The following PHKB variants were observed in gnomAD, a reference collection of about 807,000 sequenced individuals.
The protein encoded by PHKB is phosphorylase kinase regulatory subunit beta, also known as phosphorylase b kinase regulatory subunit beta.
Under a neutral mutation model 152.1 loss-of-function variants are expected in PHKB, and 122 were observed. The ratio of observed to expected loss-of-function variants is 0.80; its 90% confidence interval spans 0.69 to 0.93. The LOEUF is 0.93. PHKB is among the 40% of genes least tolerant of loss of function. The probability of loss-of-function intolerance (pLI) is 0.00; values close to 1 mark genes in which losing one functional copy is unlikely to be tolerated. For missense variants in PHKB, 1,304 were observed against 1,328.4 expected (o/e 0.98, Z 0.29); for synonymous variants, 436 against 464.9 (o/e 0.94, Z 0.80).
chr16:47,682,495 C>T lies in PHKB; in HGVS notation c.2631-6546C>T, dbSNP rs1387217608. 3.3e-5 allele frequency among the ~76,000 whole-genome samples: 5 copies of T among 152,142 alleles called. No homozygotes were observed. The South Asian group carries it at 1.0e-3, about 32-fold the overall frequency. ...TCTCTTTTCTCTAAACTTCTCTTCT[C>T]GCTTCATTTCATTCATTTCGTCTTC... On this transcript the variant is annotated intron_variant, in intron 26 of 30. Transcript: ENST00000323584.
intron 13 of PHKB, 71 bp downstream of exon 13, chr16:47,596,602 C>T (rs530338800): frequency 1.5e-4 from 212 of 1,443,370 alleles, no homozygotes; most frequent in Non-Finnish European, 2.0e-4. Flanking sequence ...TATGCCTTTG[C>T]TGGTGTTTAT....
intron 16 of PHKB, among the ~76,000 whole-genome samples, chr16:47,643,111 A>C (rs1973054747): frequency 6.6e-6 from 1 of 152,216 alleles, no homozygotes; most frequent in Non-Finnish European, 1.5e-5. Flanking sequence ...TAATATTAGC[A>C]ACTTATTTTA....
intron 14 of PHKB, among the ~76,000 whole-genome samples, chr16:47,637,076 T>A (rs1474353611): frequency 6.6e-6 from 1 of 152,128 alleles, no homozygotes; most frequent in African/African-American, 2.4e-5. Context: ...TCTTCAGGTC[T>A]CCTTGACTCA....
intron 1 of PHKB, among the ~76,000 whole-genome samples, chr16:47,472,085 A>G (rs1312153893): frequency 6.6e-6 from 1 of 152,154 alleles, no homozygotes; most frequent in African/African-American, 2.4e-5. Flanking sequence ...TGCGAAATAC[A>G]TGTGTGTGTA....
chr16:47,660,554 AG>A lies in PHKB; in HGVS notation c.2021del (p.Ser674MetfsTer15). Reference protein sequence around the residue: ...VVEQLDFLRISDTEELPEFKS... With the variant: ...VVEQLDFLRIXDTEELPEFKS... Reference sequence around the variant, plus strand: ...AGAACAACTTGATTTCCTACGAATCAGTGACACAGAAGAGTAAGTCCCTTTG... The same window carrying A: ...AGAACAACTTGATTTCCTACGAATCATGACACAGAAGAGTAAGTCCCTTTG... On this transcript the variant is annotated frameshift_variant, in exon 21 of 31. Coordinates refer to ENST00000323584, the MANE Select transcript of PHKB (RefSeq NM_000293.3). LOFTEE classifies it high-confidence loss of function. 6.2e-7 allele frequency: 1 copy of A among 1,613,562 alleles called. No homozygotes were observed. Among genetic ancestry groups the A allele is most frequent in the Middle Eastern group, 1.7e-4 (1 of 6,048 alleles).
chr16:47,526,644 A>T (rs1021878436), intron 6 of PHKB, among the ~76,000 whole-genome samples: 2 of 152,182 alleles, frequency 1.3e-5, no homozygotes, highest in Non-Finnish European at 2.9e-5. Context: ...AAAAAAAAAT[A>T]GCTTTTATTT....
At chr16:47,534,851 T>C (rs1970924456) in intron 6 of PHKB, among the ~76,000 whole-genome samples, 1 of 152,190 alleles carries the variant, frequency 6.6e-6, no homozygotes, top group Non-Finnish European at 1.5e-5. Flanking sequence ...TGTCCATTCA[T>C]GGGAAAGTAT....
intron 13 of PHKB, among the ~76,000 whole-genome samples, chr16:47,596,756 G>A (rs1038293357): frequency 6.6e-6 from 1 of 152,086 alleles, no homozygotes; most frequent in African/African-American, 2.4e-5. Context: ...TACCATTTGT[G>A]ATCATTTAGG....
At chr16:47,679,002 T>C (rs1024546371) in intron 26 of PHKB, among the ~76,000 whole-genome samples, 1 of 152,248 alleles carries the variant, frequency 6.6e-6, no homozygotes, top group African/African-American at 2.4e-5. Context: ...TAGCCAGTTT[T>C]CCCAGCACCA....
At position 47,515,522 on chromosome 16, in the gene PHKB, T is replaced by TA; in HGVS notation, c.518dup (p.Asn173LysfsTer25). The TA allele has an allele frequency of 1.5e-6, 2 of 1,370,912 alleles. No homozygotes were observed. Among genetic ancestry groups the TA allele is most frequent in the Non-Finnish European group, 2.1e-6 (2 of 958,588 alleles). The allele number at this position is 1,370,912 out of a possible 1,614,324, so 84.9% of individuals were successfully genotyped here. On this transcript the variant is annotated frameshift_variant and splice_region_variant, in exon 6 of 31. Transcript: ENST00000323584. LOFTEE classifies it high-confidence loss of function. ...TTTTAATGTTTCTGTTTGTTGCAGA[T>TA]AAATGCAGTGTCACTTTATCTCCTT...
chr16:47,480,282 G>A (rs1169452596), intron 1 of PHKB, among the ~76,000 whole-genome samples: 2 of 152,170 alleles, frequency 1.3e-5, no homozygotes, highest in Non-Finnish European at 2.9e-5. Context: ...TTTTCCACAT[G>A]TGTATCTTTG....
chr16:47,573,870 C>G (rs1171750205), intron 7 of PHKB, among the ~76,000 whole-genome samples: 2 of 152,324 alleles, frequency 1.3e-5, no homozygotes, highest in Middle Eastern at 3.4e-3. Context: ...GAAGTAGGAT[C>G]AGCAATGGCT....
Position 47,647,985 on chromosome 16 carries a change from C to G in PHKB, c.1609-548C>G, listed in dbSNP as rs1973164617. Among the ~76,000 whole-genome samples the G allele has an allele frequency of 2.0e-5, 3 of 152,244 alleles. No homozygotes were observed. In the South Asian group the frequency reaches 6.2e-4, roughly 32 times the overall value. On this transcript the variant is annotated intron_variant, in intron 16 of 30. Coordinates refer to ENST00000323584, the MANE Select transcript of PHKB (RefSeq NM_000293.3). ...TGCCCCTTAGGGATCATACAATGAA[C>G]TATATATACCCCTTTCAGCGTATAC...
chr16:47,686,899 T>A (rs1053347017), intron 26 of PHKB, among the ~76,000 whole-genome samples: 2 of 152,232 alleles, frequency 1.3e-5, no homozygotes, highest in East Asian at 1.9e-4. Context: ...GTAATTTTTT[T>A]AAATATCACC....
At chr16:47,604,588 G>A (rs756632797) in intron 13 of PHKB, among the ~76,000 whole-genome samples, 1 of 152,092 alleles carries the variant, frequency 6.6e-6, no homozygotes, top group Non-Finnish European at 1.5e-5. Flanking sequence ...ATTTTACCCT[G>A]TAAGTATCTG....
At chr16:47,683,933 A>G (rs1380081854) in intron 26 of PHKB, among the ~76,000 whole-genome samples, 1 of 152,128 alleles carries the variant, frequency 6.6e-6, no homozygotes, top group African/African-American at 2.4e-5. Context: ...TTAACAGCAA[A>G]CTTAGCAGAT....
At chr16:47,627,956 T>C (rs1433478568) in intron 14 of PHKB, among the ~76,000 whole-genome samples, 1 of 152,190 alleles carries the variant, frequency 6.6e-6, no homozygotes, top group Non-Finnish European at 1.5e-5. Context: ...CTTCAGCTAA[T>C]GAGGTTTTGC....
intron 14 of PHKB, among the ~76,000 whole-genome samples, chr16:47,611,399 A>G (rs1283778462): frequency 6.6e-6 from 1 of 152,202 alleles, no homozygotes. Context: ...TGTTGTGTCA[A>G]CAAAATAAGT....
intron 25 of PHKB, among the ~76,000 whole-genome samples, chr16:47,668,626 G>A (rs1191940260): frequency 6.6e-6 from 1 of 152,020 alleles, no homozygotes; most frequent in African/African-American, 2.4e-5. Flanking sequence ...CCCAGGCTGT[G>A]GGCAGCCTGT....
Sources: gnomAD v4.1 joint callset for allele counts (sites outside exome capture counted in the v4.1 genomes callset) on GRCh38, gnomAD v4.1.1 for gene constraint, MANE v1.5 for transcripts, NCBI Gene and HGNC (gene_info 2026-07-23, HGNC 2026-07-21) for gene names.